The following RSU1 variants were observed in gnomAD, a reference collection of about 807,000 sequenced individuals.
RSU1 encodes the protein Ras suppressor protein 1.
RSU1 carries 26 observed loss-of-function variants against 31.1 expected under a neutral mutation model. The observed-to-expected ratio is 0.84, with a 90% confidence interval of 0.61 to 1.16. The LOEUF is 1.16. Among genes scored for constraint, RSU1 ranks in the 50% most tolerant of loss-of-function variants. The probability of loss-of-function intolerance (pLI) is 0.00; values close to 1 mark genes in which losing one functional copy is unlikely to be tolerated. For missense variants in RSU1, 320 were observed against 339.1 expected, an observed-to-expected ratio of 0.94 and a Z score of 0.44; for synonymous variants, 164 against 136.3, an observed-to-expected ratio of 1.20 and a Z score of -1.41.
At chr10:16,616,480 T>C (rs1396685774) in intron 8 of RSU1, among the ~76,000 whole-genome samples, 2 of 146,260 alleles carry the variant, frequency 1.4e-5, no homozygotes, top group East Asian at 2.1e-4. Context: ...TTCCAAATAA[T>C]AGAAAAAGAG....
intron 8 of RSU1, among the ~76,000 whole-genome samples, chr10:16,614,013 T>C (rs1380976901): frequency 1.3e-5 from 2 of 152,158 alleles, no homozygotes; most frequent in South Asian, 2.1e-4. Flanking sequence ...TTGTGGGCAA[T>C]AGCATTAACG....
intron 8 of RSU1, among the ~76,000 whole-genome samples, chr10:16,654,607 T>G (rs972470503): frequency 1.3e-5 from 2 of 150,206 alleles, no homozygotes; most frequent in Non-Finnish European, 3.0e-5. Flanking sequence ...GAGGTGGAGG[T>G]TGCAGTGAGG....
chr10:16,684,728 C>G (rs962957425), intron 8 of RSU1, among the ~76,000 whole-genome samples: 2 of 152,076 alleles, frequency 1.3e-5, no homozygotes, highest in Non-Finnish European at 2.9e-5. Flanking sequence ...GTTTGTGGTA[C>G]TTGGTTATGG....
intron 7 of RSU1, among the ~76,000 whole-genome samples, chr10:16,742,241 G>C (rs111651275): frequency 1.1e-4 from 16 of 152,314 alleles, no homozygotes; most frequent in African/African-American, 3.9e-4. Context: ...GTAATGGGTA[G>C]TCAACTTAGG....
rs569083970 is a variant in RSU1, at chr10:16,671,556, CT to C, written c.731+23466del. On this transcript the variant is annotated intron_variant, in intron 8 of 8. Transcript: ENST00000345264. ...CTTAATCTCCTGGGCTCAAGCGATC[CT>C]CCCACCTCAGCTTCCCAAGTAACTG... Among the ~76,000 whole-genome samples the C allele has an allele frequency of 4.5e-3, 683 of 152,166 alleles. 5 individuals carry two copies. The highest frequency in any genetic ancestry group is 0.016 in the African/African-American group (646 of 41,526).
At chr10:16,703,000 G>A (rs1363555525) in intron 7 of RSU1, among the ~76,000 whole-genome samples, 4 of 152,196 alleles carry the variant, frequency 2.6e-5, no homozygotes, top group Non-Finnish European at 4.4e-5. Flanking sequence ...TCCCTCTGGT[G>A]CTGTTCTAGT....
intron 7 of RSU1, among the ~76,000 whole-genome samples, chr10:16,746,526 C>G (rs1444647603): frequency 1.3e-5 from 2 of 152,048 alleles, no homozygotes; most frequent in African/African-American, 4.8e-5. Context: ...ATGGAATGCT[C>G]AGGAAAGAGA....
At chr10:16,609,980 A>G (rs1449996924) in intron 8 of RSU1, among the ~76,000 whole-genome samples, 1 of 152,244 alleles carries the variant, frequency 6.6e-6, no homozygotes, top group Non-Finnish European at 1.5e-5. Context: ...TCATAGCTGC[A>G]TTATAAAAGT....
At chr10:16,813,925 AG>A (rs1838466625) in intron 2 of RSU1, among the ~76,000 whole-genome samples, 1 of 152,222 alleles carries the variant, frequency 6.6e-6, no homozygotes, top group African/African-American at 2.4e-5. Flanking sequence ...CAACTCTCCC[AG>A]GAAGAAAGAC....
intron 1 of RSU1, 72 bp downstream of exon 1, chr10:16,817,243 G>GGGCAGGGGAA: frequency 1.6e-6 from 1 of 617,396 alleles, no homozygotes; most frequent in Admixed American, 2.8e-5. Flanking sequence ...AGGGGATGGA[G>GGGCAGGGGAA]TGGGAAGGGT....
chr10:16,719,372 T>TCTTTTCCAGTCC (rs1836209043), intron 7 of RSU1, among the ~76,000 whole-genome samples: 1 of 152,262 alleles, frequency 6.6e-6, no homozygotes, highest in African/African-American at 2.4e-5. Context: ...CAATCCAGTT[T>TCTTTTCCAGTCC]CTTTTCCAGT....
intron 2 of RSU1, among the ~76,000 whole-genome samples, chr10:16,791,449 T>C (rs949431698): frequency 3.3e-5 from 5 of 151,926 alleles, no homozygotes; most frequent in Non-Finnish European, 5.9e-5. Flanking sequence ...CAGGACATAG[T>C]GAAATCCCAT....
chr10:16,748,470 C>G (rs1836903859), intron 7 of RSU1: 1 of 152,264 alleles, frequency 6.6e-6, no homozygotes, highest in African/African-American at 2.4e-5. Flanking sequence ...CTCCCCATCT[C>G]AAGACTACAA....
intron 7 of RSU1, 97 bp from the exon 8 acceptor site, chr10:16,695,252 C>A: frequency 6.6e-6 from 8 of 1,214,430 alleles, no homozygotes; most frequent in Non-Finnish European, 9.1e-6. Context: ...TACCCTAAAT[C>A]AAACCCTAAG....
At chr10:16,666,009 ATAAT>A (rs1313392213) in intron 8 of RSU1, among the ~76,000 whole-genome samples, 1 of 152,246 alleles carries the variant, frequency 6.6e-6, no homozygotes, top group Non-Finnish European at 1.5e-5. Flanking sequence ...TTGGGATTAA[ATAAT>A]TAATCATAAC....
At chr10:16,695,853 C>T (rs957173441) in intron 7 of RSU1, among the ~76,000 whole-genome samples, 1 of 152,166 alleles carries the variant, frequency 6.6e-6, no homozygotes, top group East Asian at 1.9e-4. Context: ...CAAGCTGATG[C>T]TCAATCTCAT....
intron 8 of RSU1, among the ~76,000 whole-genome samples, chr10:16,688,482 G>A (rs1443663564): frequency 2.0e-5 from 3 of 152,122 alleles, no homozygotes; most frequent in South Asian, 4.1e-4. Flanking sequence ...GGTAGCGAGC[G>A]CCTGCAGTCC....
At chr10:16,774,099 T>TAAA (rs55846639) in intron 3 of RSU1, among the ~76,000 whole-genome samples, 1 of 144,474 alleles carries the variant, frequency 6.9e-6, no homozygotes. Flanking sequence ...GGTATTCCGT[T>TAAA]AAAAAAAAAA....
intron 7 of RSU1, among the ~76,000 whole-genome samples, chr10:16,725,576 G>A (rs1160658532): frequency 5.3e-5 from 8 of 151,820 alleles, no homozygotes; most frequent in African/African-American, 7.3e-5. Flanking sequence ...TATTCGGTGC[G>A]CTTATAACAG....
Sources: gnomAD v4.1 joint callset for allele counts (sites outside exome capture counted in the v4.1 genomes callset) on GRCh38, gnomAD v4.1.1 for gene constraint, MANE v1.5 for transcripts, NCBI Gene and HGNC (gene_info 2026-07-23, HGNC 2026-07-21) for gene names.